The following ASPRV1 variants were observed in gnomAD, a reference collection of about 807,000 sequenced individuals.
The protein encoded by ASPRV1 is retroviral-like aspartic protease 1.
ASPRV1 carries 7 observed loss-of-function variants against 11.0 expected under a neutral mutation model. The ratio of observed to expected loss-of-function variants is 0.64; its 90% CI spans 0.36 to 1.20. The LOEUF (loss-of-function observed/expected upper bound fraction) is 1.20. Among genes scored for constraint, ASPRV1 ranks in the 50% most tolerant of loss-of-function variants. ASPRV1 has a pLI of 0.02. For missense variants in ASPRV1, 299 were observed against 320.0 expected (o/e 0.93, Z 0.50); for synonymous variants, 136 against 138.4 (o/e 0.98, Z 0.12).
At chr2:70,022,744 G>T in the ASPRV1 span, among the ~76,000 whole-genome samples, 1 of 152,050 alleles carries the variant, frequency 6.6e-6, no homozygotes, top group South Asian at 2.1e-4. Context: ...TTAGCATTTT[G>T]GTTGTGGAGA....
chr2:69,987,498 G>C, the ASPRV1 span, among the ~76,000 whole-genome samples: 1 of 151,172 alleles, frequency 6.6e-6, no homozygotes, highest in Non-Finnish European at 1.5e-5. Flanking sequence ...GTAATCCCAG[G>C]GCTTTGGGAG....
chr2:70,030,359 T>C, the ASPRV1 span: 1 of 152,258 alleles, frequency 6.6e-6, no homozygotes, highest in Non-Finnish European at 1.5e-5. Flanking sequence ...AGCTTCAGGT[T>C]GTCCTCGGGC....
the ASPRV1 span, among the ~76,000 whole-genome samples, chr2:70,058,319 A>C: frequency 2.7e-5 from 4 of 150,452 alleles, no homozygotes; most frequent in African/African-American, 9.8e-5. Flanking sequence ...CTTGGGTTCA[A>C]GCAACCTTCA....
chr2:69,945,939 C>T, the ASPRV1 span, among the ~76,000 whole-genome samples: 1 of 152,116 alleles, frequency 6.6e-6, no homozygotes, highest in Non-Finnish European at 1.5e-5. Context: ...AATACGTCTG[C>T]CTTCAAAGAA....
chr2:69,992,239 T>C, the ASPRV1 span, among the ~76,000 whole-genome samples: 573 of 152,356 alleles, frequency 3.8e-3, 5 homozygotes, highest in Middle Eastern at 0.014. Context: ...TTCTCTCTAC[T>C]CGGCGTCTTC....
At chr2:69,989,392 C>T in the ASPRV1 span, among the ~76,000 whole-genome samples, 1 of 152,266 alleles carries the variant, frequency 6.6e-6, no homozygotes, top group African/African-American at 2.4e-5. Flanking sequence ...TCAGACACAA[C>T]ACCACAGCAC....
the ASPRV1 span, among the ~76,000 whole-genome samples, chr2:69,950,890 A>AATAG: frequency 6.7e-6 from 1 of 150,122 alleles, no homozygotes; most frequent in Non-Finnish European, 1.5e-5. Context: ...TAAATAAATA[A>AATAG]TAAAAAATAA....
chr2:70,074,583 C>T, the ASPRV1 span, among the ~76,000 whole-genome samples: 1 of 151,574 alleles, frequency 6.6e-6, no homozygotes, highest in African/African-American at 2.4e-5. Flanking sequence ...GCCCCAACCC[C>T]TTTGTTTAAT....
the ASPRV1 span, among the ~76,000 whole-genome samples, chr2:70,066,843 G>T: frequency 6.7e-6 from 1 of 149,754 alleles, no homozygotes; most frequent in Non-Finnish European, 1.5e-5. Context: ...TCCCACCTCG[G>T]CCTCCCAAAT....
the ASPRV1 span, among the ~76,000 whole-genome samples, chr2:69,947,059 A>C: frequency 6.6e-6 from 1 of 152,206 alleles, no homozygotes; most frequent in Admixed American, 6.5e-5. Flanking sequence ...AATTCAGAAC[A>C]ACCGTAGGTA....
chr2:69,938,372 C>A, the ASPRV1 span: 9 of 1,397,754 alleles, frequency 6.4e-6, no homozygotes, highest in African/African-American at 1.4e-5. Flanking sequence ...AACTCCCTTG[C>A]ACGTAAACTT....
At chr2:69,944,992 T>G in the ASPRV1 span, among the ~76,000 whole-genome samples, 9 of 152,222 alleles carry the variant, frequency 5.9e-5, no homozygotes, top group South Asian at 1.0e-3. Context: ...CCAGTGCAGC[T>G]TTGACTCACC....
At chr2:70,006,125 G>A in the ASPRV1 span, among the ~76,000 whole-genome samples, 5 of 152,230 alleles carry the variant, frequency 3.3e-5, no homozygotes, top group South Asian at 2.1e-4. Flanking sequence ...GCCCATGTGC[G>A]CACACACACA....
chr2:69,951,515 C>A, the ASPRV1 span, among the ~76,000 whole-genome samples: 1,961 of 128,148 alleles, frequency 0.015, 48 homozygotes, highest in African/African-American at 0.054. Context: ...ATATATAGAT[C>A]TATACACACA....
the ASPRV1 span, among the ~76,000 whole-genome samples, chr2:70,041,413 G>C: frequency 6.6e-6 from 1 of 152,020 alleles, no homozygotes; most frequent in East Asian, 1.9e-4. Flanking sequence ...TTTAAATGGC[G>C]ACCCACCTGT....
At chr2:70,001,141 A>T in the ASPRV1 span, among the ~76,000 whole-genome samples, 2 of 152,008 alleles carry the variant, frequency 1.3e-5, no homozygotes, top group Admixed American at 1.3e-4. Flanking sequence ...ATACTCCTTG[A>T]TCTACTCTAT....
At chr2:70,065,806 G>A in the ASPRV1 span, among the ~76,000 whole-genome samples, 2 of 102,308 alleles carry the variant, frequency 2.0e-5, no homozygotes, top group African/African-American at 3.9e-5. Flanking sequence ...GTGACAGAAC[G>A]AGGCTTTTGA....
chr2:69,960,602 C>CTA lies in ASPRV1; in HGVS notation c.*54_*55insTA. 6 of 1,528,878 alleles carry CTA rather than the reference C, an allele frequency of 3.9e-6. No individual in the cohort carries two copies. In the South Asian group the frequency reaches 7.3e-5, roughly 19 times the overall value. The allele number at this position is 1,528,878 out of a possible 1,614,324, so 94.7% of individuals were successfully genotyped here. ...CCCCCATGAGGATATGCAACCCCCC[C>CTA]CACAGCGGTGGGTCTTCCCACCAAT... On this transcript the variant is annotated 3_prime_UTR_variant, in exon 1 of 1. Transcript: ENST00000320256.
the ASPRV1 span, among the ~76,000 whole-genome samples, chr2:70,022,653 G>A: frequency 5.1e-4 from 77 of 151,948 alleles, 2 homozygotes; most frequent in Non-Finnish European, 2.9e-5. Flanking sequence ...TCGCACCACT[G>A]CACTCCAGCC....
Sources: allele counts gnomAD v4.1 joint callset (sites outside exome capture counted in the v4.1 genomes callset), GRCh38; gene constraint gnomAD v4.1.1; transcripts MANE v1.5; gene names NCBI Gene and HGNC (gene_info 2026-07-23, HGNC 2026-07-21).